The following RIC8B variants were observed in gnomAD, a reference collection of about 807,000 sequenced individuals.
The protein encoded by RIC8B is RIC8 guanine nucleotide exchange factor B, also known as chaperone Ric-8B.
In RIC8B, 16 loss-of-function variants were observed where a neutral mutation model predicts 57.5. That is an observed-to-expected ratio of 0.28 (90% confidence interval 0.19 to 0.42). The LOEUF is 0.42. Ranked by LOEUF, RIC8B falls within the 10% of genes least tolerant of loss-of-function variation. The pLI is 1.00. For synonymous variants in RIC8B, 216 were observed against 250.8 expected (o/e 0.86, Z 1.31); for missense variants, 481 against 677.0 (o/e 0.71, Z 3.21).
chr12:106,882,591 C>G (rs774521839), intron 9 of RIC8B, among the ~76,000 whole-genome samples: 2 of 152,098 alleles, frequency 1.3e-5, no homozygotes, highest in Non-Finnish European at 2.9e-5. Flanking sequence ...CGGAAGCTTG[C>G]CCAAGATCAC....
chr12:106,878,626 T>G (rs1408841179), intron 9 of RIC8B, among the ~76,000 whole-genome samples: 1 of 152,196 alleles, frequency 6.6e-6, no homozygotes, highest in Non-Finnish European at 1.5e-5. Context: ...AGGATTCTTT[T>G]TTCCAAGTCA....
chr12:106,857,430 T>C (rs1949755821), intron 7 of RIC8B, among the ~76,000 whole-genome samples: 1 of 152,218 alleles, frequency 6.6e-6, no homozygotes, highest in African/African-American at 2.4e-5. Flanking sequence ...TGTAACTGTC[T>C]ATGTTATTAC....
intron 2 of RIC8B, among the ~76,000 whole-genome samples, chr12:106,794,370 A>G (rs974112658): frequency 1.3e-5 from 2 of 152,142 alleles, no homozygotes; most frequent in African/African-American, 4.8e-5. Flanking sequence ...GAGAGGAGAG[A>G]GAAAGAAAGG....
At chr12:106,786,531 G>A (rs1000313242) in intron 2 of RIC8B, among the ~76,000 whole-genome samples, 1 of 152,078 alleles carries the variant, frequency 6.6e-6, no homozygotes, top group African/African-American at 2.4e-5. Context: ...AATCCCTATG[G>A]GGAAGAAACT....
intron 1 of RIC8B, among the ~76,000 whole-genome samples, chr12:106,776,766 A>G (rs1326369601): frequency 2.6e-5 from 4 of 152,206 alleles, no homozygotes; most frequent in Non-Finnish European, 5.9e-5. Flanking sequence ...TTAAGGTGGT[A>G]TCTGAAGTGT....
intron 3 of RIC8B, among the ~76,000 whole-genome samples, chr12:106,816,310 T>C (rs989815647): frequency 3.9e-5 from 6 of 152,204 alleles, no homozygotes; most frequent in African/African-American, 1.2e-4. Context: ...ATTATCTCAG[T>C]GCATTGTTAT....
chr12:106,787,365 A>G lies in RIC8B; in HGVS notation c.132+3321A>G, dbSNP rs189144876. Among the ~76,000 whole-genome samples, 274 of 152,358 alleles carry G rather than the reference A, an allele frequency of 1.8e-3. 1 individual carries two copies. In the Middle Eastern group the frequency reaches 0.02, roughly 11 times the overall value. ...GACTTAGACATCAGAACTATTGGAC[A>G]GCTCAGAAGGATCTATACCTTAATA... On this transcript the variant is annotated intron_variant, in intron 2 of 9. Transcript: ENST00000392837.
At chr12:106,793,891 C>T (rs2044362315) in intron 2 of RIC8B, among the ~76,000 whole-genome samples, 1 of 122,586 alleles carries the variant, frequency 8.2e-6, no homozygotes, top group South Asian at 2.6e-4. Context: ...GTGCAAATAC[C>T]TAGAGTTGTT....
intron 4 of RIC8B, among the ~76,000 whole-genome samples, chr12:106,839,280 A>G (rs563397754): frequency 5.9e-5 from 9 of 152,224 alleles, no homozygotes; most frequent in South Asian, 4.1e-4. Flanking sequence ...CTAAATGTCT[A>G]TCAGTCAGAT....
At chr12:106,852,409 C>T (rs1395384505) in intron 7 of RIC8B, among the ~76,000 whole-genome samples, 1 of 152,138 alleles carries the variant, frequency 6.6e-6, no homozygotes, top group Non-Finnish European at 1.5e-5. Context: ...TGGAAAAGTT[C>T]ACTCCTCCTA....
At chr12:106,784,894 C>T (rs936938416) in intron 2 of RIC8B, among the ~76,000 whole-genome samples, 1 of 152,190 alleles carries the variant, frequency 6.6e-6, no homozygotes, top group Non-Finnish European at 1.5e-5. Flanking sequence ...TTTCAGATTT[C>T]TTCCATCCAT....
chr12:106,885,991 A>C lies in RIC8B; in HGVS notation c.1659A>C (p.Glu553Asp). Residue 553 changes from glutamate (E) to aspartate (D), a missense_variant, in exon 10 of 10, where the codon GAA (glutamate) becomes GAC (aspartate). Physicochemically the swap from Glu to Asp is conservative, Grantham distance 45 (BLOSUM62 2). Around this residue, in one of 3 missense-constraint regions of RIC8B, gnomAD observed 17 missense variants for 16.3 expected, o/e 1.05. Transcript: ENST00000392837. ...EEALNQYSVI[E>D]ETSSDTD ...CACTCAACCAGTACTCTGTCATCGA[A>C]GAGACCAGCTCTGACACAGACTAAA... is the stretch of plus-strand genomic sequence containing the variant. 6 of 1,613,430 alleles carry C rather than the reference A, an allele frequency of 3.7e-6. No individual in the cohort carries two copies. The South Asian group carries it at 6.6e-5, about 18-fold the overall frequency.
chr12:106,801,630 C>T (rs2044735420), intron 2 of RIC8B, among the ~76,000 whole-genome samples: 1 of 152,138 alleles, frequency 6.6e-6, no homozygotes, highest in African/African-American at 2.4e-5. Context: ...TAATATTAAT[C>T]TTTTACATGA....
At chr12:106,837,701 G>A (rs2046678714) in intron 4 of RIC8B, among the ~76,000 whole-genome samples, 1 of 142,072 alleles carries the variant, frequency 7.0e-6, no homozygotes, top group South Asian at 2.2e-4. Flanking sequence ...GAGTGCAGTA[G>A]TGCAGTCTTG....
chr12:106,816,675 A>G (rs7312155), intron 3 of RIC8B, among the ~76,000 whole-genome samples: 16,805 of 152,232 alleles, frequency 0.11, 1,091 homozygotes, highest in Middle Eastern at 0.16. Context: ...TACCCAAAAT[A>G]GTAGCTCACA....
intron 1 of RIC8B, among the ~76,000 whole-genome samples, chr12:106,782,173 C>T (rs2043795889): frequency 1.3e-5 from 2 of 152,172 alleles, no homozygotes; most frequent in East Asian, 3.9e-4. Context: ...CATAACATTC[C>T]GTCAGTCTCC....
rs35399211 is a variant in RIC8B, at chr12:106,846,723, C to CAAAAA, written c.1161+2788_1161+2792dup. On this transcript the variant is annotated intron_variant, in intron 6 of 9. Coordinates refer to ENST00000392837, the MANE Select transcript of RIC8B (RefSeq NM_001330145.2). ...TTTTGCTATCTCTAAACAGAACAGC[C>CAAAAA]AAAAAAAAAAAAAAAACCTATTAGT... Among the ~76,000 whole-genome samples, 164 of 120,478 alleles carry CAAAAA rather than the reference C, an allele frequency of 1.4e-3. 3 individuals are homozygous for CAAAAA. The highest frequency in any genetic ancestry group is 0.013 in the Middle Eastern group (3 of 226). The allele number at this position is 120,478 out of a possible 152,430, so 79.0% of individuals were successfully genotyped here.
chr12:106,828,736 A>G (rs1245697186), intron 4 of RIC8B, among the ~76,000 whole-genome samples: 1 of 152,228 alleles, frequency 6.6e-6, no homozygotes, highest in Non-Finnish European at 1.5e-5. Context: ...TACTTCTATT[A>G]GTATTATGAT....
chr12:106,820,551 G>T (rs1024036067), intron 3 of RIC8B, among the ~76,000 whole-genome samples: 8 of 152,122 alleles, frequency 5.3e-5, no homozygotes, highest in Non-Finnish European at 1.2e-4. Flanking sequence ...ACTGTAAGGG[G>T]TCCCTAGAAT....
Sources: gnomAD v4.1 joint callset for allele counts (sites outside exome capture counted in the v4.1 genomes callset) on GRCh38, gnomAD v4.1.1 for gene constraint, gnomAD v4.1.1 regional missense constraint, MANE v1.5 for transcripts, NCBI Gene and HGNC (gene_info 2026-07-23, HGNC 2026-07-21) for gene names.